Variants in ABLIM1 observed in about 807,000 individuals in gnomAD.
ABLIM1 encodes actin binding LIM protein 1.
Under a neutral mutation model 107.0 loss-of-function variants are expected in ABLIM1, and 40 were observed. That is an observed-to-expected ratio of 0.37 (90% CI 0.29 to 0.49). The LOEUF (loss-of-function observed/expected upper bound fraction) is 0.49, where lower values mean the gene tolerates loss of function less well. ABLIM1 is among the 20% of genes least tolerant of loss of function. ABLIM1 has a pLI of 0.97. For missense variants in ABLIM1, 857 were observed against 1,008.5 expected (o/e 0.85, Z 2.04); for synonymous variants, 357 against 357.3 (o/e 1.00, Z 0.01).
At chr10:114,543,472 C>G (rs2066941787) in intron 6 of ABLIM1, among the ~76,000 whole-genome samples, 1 of 152,244 alleles carries the variant, frequency 6.6e-6, no homozygotes, top group South Asian at 2.1e-4. Flanking sequence ...GTTGGCAGCA[C>G]TGCTTCAAGG....
chr10:114,712,278 G>A (rs751194613), intron 1 of ABLIM1, among the ~76,000 whole-genome samples: 5 of 148,636 alleles, frequency 3.4e-5, no homozygotes, highest in East Asian at 2.0e-4. Context: ...ACTTGAACCC[G>A]GGAGGCAGGG....
At chr10:114,800,170 T>G in the ABLIM1 span, among the ~76,000 whole-genome samples, 1 of 152,196 alleles carries the variant, frequency 6.6e-6, no homozygotes, top group Non-Finnish European at 1.5e-5. Flanking sequence ...CCAAAATTCC[T>G]ATGCCCTTAC....
intron 1 of ABLIM1, among the ~76,000 whole-genome samples, chr10:114,627,441 C>T (rs1006364193): frequency 6.6e-6 from 1 of 152,050 alleles, no homozygotes; most frequent in African/African-American, 2.4e-5. Flanking sequence ...TTTACTTCCT[C>T]GACAGGTGGT....
intron 4 of ABLIM1, among the ~76,000 whole-genome samples, chr10:114,549,664 T>C (rs1384245718): frequency 6.6e-6 from 1 of 152,208 alleles, no homozygotes; most frequent in Admixed American, 6.5e-5. Flanking sequence ...TGCATGCATA[T>C]GTTCCCTACA....
chr10:114,637,667 C>A (rs2497681), intron 1 of ABLIM1, among the ~76,000 whole-genome samples: 19,114 of 152,142 alleles, frequency 0.13, 1,589 homozygotes, highest in East Asian at 0.44. Flanking sequence ...AAAGTTCCCT[C>A]TAAACAAATC....
At chr10:114,762,830 C>A (rs778813334) in intron 1 of ABLIM1, among the ~76,000 whole-genome samples, 2 of 152,188 alleles carry the variant, frequency 1.3e-5, no homozygotes, top group Non-Finnish European at 2.9e-5. Context: ...CCCTCCAGAC[C>A]AGTGCATATG....
At chr10:114,589,540 A>AAG (rs201195402) in intron 2 of ABLIM1, among the ~76,000 whole-genome samples, 6,820 of 149,486 alleles carry the variant, frequency 0.046, 195 homozygotes, top group East Asian at 0.074. Context: ...AAAAAAAAAA[A>AAG]AGAGAGAGAG....
At chr10:114,467,301 A>G (rs1223012505) in intron 11 of ABLIM1, among the ~76,000 whole-genome samples, 1 of 152,246 alleles carries the variant, frequency 6.6e-6, no homozygotes, top group Non-Finnish European at 1.5e-5. Context: ...AAAACTGTCT[A>G]AAGAGTTGAA....
chr10:114,727,617 C>T (rs2081987467), intron 1 of ABLIM1, among the ~76,000 whole-genome samples: 1 of 152,162 alleles, frequency 6.6e-6, no homozygotes, highest in African/African-American at 2.4e-5. Flanking sequence ...GGTCAAAAAA[C>T]TCAAATCATA....
intron 4 of ABLIM1, among the ~76,000 whole-genome samples, chr10:114,553,624 G>A (rs1281197887): frequency 2.6e-5 from 4 of 152,204 alleles, no homozygotes; most frequent in Non-Finnish European, 5.9e-5. Context: ...CCTGTTAGAA[G>A]GAGGAACAGC....
intron 8 of ABLIM1, among the ~76,000 whole-genome samples, chr10:114,486,577 CTG>C (rs1189553707): frequency 1.3e-5 from 2 of 152,212 alleles, no homozygotes; most frequent in African/African-American, 4.8e-5. Context: ...GTGACTACGC[CTG>C]TGTGTGACTA....
At chr10:114,500,707 A>C (rs796625103) in intron 6 of ABLIM1, among the ~76,000 whole-genome samples, 1 of 104,134 alleles carries the variant, frequency 9.6e-6, no homozygotes, top group Non-Finnish European at 1.9e-5. Context: ...AAAAAGAAAG[A>C]GAAGGGAAGG....
intron 1 of ABLIM1, among the ~76,000 whole-genome samples, chr10:114,724,507 CA>C (rs566675601): frequency 1.1e-3 from 162 of 152,302 alleles, no homozygotes; most frequent in African/African-American, 3.6e-3. Flanking sequence ...TTCCCTTGCA[CA>C]AGGCCTGCCC....
At chr10:114,767,730 C>G (rs1215149858) in intron 1 of ABLIM1, among the ~76,000 whole-genome samples, 2 of 152,098 alleles carry the variant, frequency 1.3e-5, no homozygotes, top group Non-Finnish European at 2.9e-5. Context: ...GAAAAAATAC[C>G]TCTTCCTCCC....
intron 12 of ABLIM1, among the ~76,000 whole-genome samples, chr10:114,465,093 G>C (rs2133566892): frequency 6.6e-6 from 1 of 152,260 alleles, no homozygotes; most frequent in Middle Eastern, 3.4e-3. Context: ...TTCCAAGTCT[G>C]ATTGAAAATC....
In ABLIM1 at chr10:114,731,380, G is replaced by A. The variant is rs138717885; in HGVS notation, c.-213+36681C>T. On this transcript the variant is annotated intron_variant, in intron 1 of 15. Transcript: ENST00000651092. ...TAGTCTTGAACTCCTGACCTCAGGT[G>A]ATCTGCGTGCCTCGGCCTCCCAAAG... Among the ~76,000 whole-genome samples the A allele has an allele frequency of 3.9e-3, 599 of 152,106 alleles. 8 individuals are homozygous for A. The highest frequency in any genetic ancestry group is 0.014 in the African/African-American group (565 of 41,424).
chr10:114,631,207 T>A (rs1316882313), intron 1 of ABLIM1, among the ~76,000 whole-genome samples: 1 of 152,210 alleles, frequency 6.6e-6, no homozygotes. Context: ...ATTTCAACTA[T>A]CATTCAATTC....
At position 114,641,741 on chromosome 10, in the gene ABLIM1, C is replaced by T. The variant is rs137994236; in HGVS notation, c.244+16216G>A. On this transcript the variant is annotated intron_variant, in intron 1 of 22. Coordinates refer to ENST00000533213, the MANE Select transcript of ABLIM1 (RefSeq NM_002313.7). ...AGCAGTAAGTGCAAACGTCCTGAGA[C>T]GGGAGCCCACCTGGTATGTTCAAGG... is the stretch of plus-strand genomic sequence containing the variant. 1.3e-3 allele frequency among the ~76,000 whole-genome samples: 194 copies of T among 152,238 alleles called. 1 individual carries two copies. Among genetic ancestry groups the T allele is most frequent in the African/African-American group, 4.5e-3 (188 of 41,508 alleles).
chr10:114,563,692 A>C (rs908376242), intron 4 of ABLIM1, among the ~76,000 whole-genome samples: 2 of 151,292 alleles, frequency 1.3e-5, no homozygotes, highest in Non-Finnish European at 2.9e-5. Flanking sequence ...CACGCAAAAA[A>C]AAAATTAGCC....
Sources: allele counts gnomAD v4.1 joint callset (sites outside exome capture counted in the v4.1 genomes callset), GRCh38; gene constraint gnomAD v4.1.1; transcripts MANE v1.5; gene names NCBI Gene and HGNC (gene_info 2026-07-23, HGNC 2026-07-21).